KRABD4: variants seen among roughly 807,000 people sequenced by gnomAD.
The protein encoded by KRABD4 is KRAB domain-containing protein 4.
At chrX:46,450,759 G>A in the KRABD4 span, among the ~76,000 whole-genome samples, 7 of 99,418 alleles carry the variant, frequency 7.0e-5, no homozygotes, top group African/African-American at 2.7e-4. Flanking sequence ...CTGGAGTGCA[G>A]TGGTGCAATC....
the KRABD4 span, chrX:46,457,180 T>A: frequency 3.8e-6 from 1 of 264,240 alleles, no homozygotes. Context: ...GCTACCTCCT[T>A]GTCAAACTCC....
At chrX:46,448,303 A>C in the KRABD4 span, 1 of 112,358 alleles carries the variant, frequency 8.9e-6, no homozygotes, top group African/African-American at 3.2e-5. Context: ...CTGAGGCCTC[A>C]GAAGGAGGTG....
At chrX:46,472,757 G>A in the KRABD4 span, 1 of 1,207,897 alleles carries the variant, frequency 8.3e-7, no homozygotes, top group South Asian at 1.8e-5. Flanking sequence ...TAGAAGTCTG[G>A]CAAGTTGATG....
the KRABD4 span, among the ~76,000 whole-genome samples, chrX:46,464,275 A>G: frequency 1.8e-5 from 2 of 111,670 alleles, no homozygotes; most frequent in Non-Finnish European, 1.9e-5. Context: ...TTAGAATGCT[A>G]TTACTCTTCA....
the KRABD4 span, chrX:46,457,062 T>C: frequency 2.8e-6 from 1 of 354,708 alleles, no homozygotes; most frequent in African/African-American, 2.7e-5. Flanking sequence ...TAGGAGGCTT[T>C]TGTTGTCCCT....
chrX:46,453,332 AACTCTTCT>A, the KRABD4 span, among the ~76,000 whole-genome samples: 1 of 112,142 alleles, frequency 8.9e-6, no homozygotes, highest in African/African-American at 3.2e-5. Context: ...AAGAAAGTGA[AACTCTTCT>A]ACATCATATA....
At chrX:46,467,559 AAATAAT>A in the KRABD4 span, among the ~76,000 whole-genome samples, 7 of 110,420 alleles carry the variant, frequency 6.3e-5, no homozygotes, top group Non-Finnish European at 1.3e-4. Flanking sequence ...TGTCTCTCAA[AAATAAT>A]AATAATAATA....
the KRABD4 span, among the ~76,000 whole-genome samples, chrX:46,467,603 T>C: frequency 3.6e-5 from 4 of 111,531 alleles, no homozygotes; most frequent in African/African-American, 6.5e-5. Context: ...TGTTTTCTAG[T>C]GTGGCTGTAC....
chrX:46,468,345 G>A, the KRABD4 span, among the ~76,000 whole-genome samples: 2 of 110,337 alleles, frequency 1.8e-5, no homozygotes, highest in Non-Finnish European at 3.8e-5. Context: ...GACCAGCCAG[G>A]GCAACATAGT....
the KRABD4 span, chrX:46,462,321 C>A: frequency 1.3e-5 from 2 of 148,367 alleles, no homozygotes; most frequent in Admixed American, 1.5e-4. Context: ...ACCAGCCTGG[C>A]CAATATGGTG....
the KRABD4 span, chrX:46,462,681 C>T: frequency 9.4e-5 from 113 of 1,207,179 alleles, 1 homozygote; most frequent in Middle Eastern, 2.3e-4. Context: ...CCTCCGTGTG[C>T]GTGAGATGCC....
chrX:46,458,882 A>T, the KRABD4 span, among the ~76,000 whole-genome samples: 2 of 111,742 alleles, frequency 1.8e-5, no homozygotes, highest in South Asian at 7.5e-4. Flanking sequence ...CAAACTTCAC[A>T]TGGATGAGGA....
At chrX:46,455,286 C>T in the KRABD4 span, 1 of 758,551 alleles carries the variant, frequency 1.3e-6, no homozygotes, top group Non-Finnish European at 2.0e-6. Flanking sequence ...CTTTGTCTTC[C>T]TGAGACAAGT....
chrX:46,471,988 G>A, the KRABD4 span: 1 of 111,563 alleles, frequency 9.0e-6, no homozygotes, highest in African/African-American at 3.2e-5. Flanking sequence ...TCCTTTTGAA[G>A]TTTGTAATTT....
chrX:46,462,885 G>T, the KRABD4 span: 1 of 1,211,346 alleles, frequency 8.3e-7, no homozygotes, highest in Non-Finnish European at 1.1e-6. Flanking sequence ...GTGAGGGACC[G>T]TGCCACAGGG....
chrX:46,473,355 A>G, the KRABD4 span: 3 of 1,190,455 alleles, frequency 2.5e-6, no homozygotes, highest in East Asian at 6.0e-5. Flanking sequence ...GTGAATGTGG[A>G]AAAACCTTTA....
At chrX:46,455,009 T>A in the KRABD4 span, 1 of 326,643 alleles carries the variant, frequency 3.1e-6, no homozygotes, top group African/African-American at 2.7e-5. Context: ...TCAGTCTTAC[T>A]TACTTCATTG....
chrX:46,468,012 A>G, the KRABD4 span, among the ~76,000 whole-genome samples: 1 of 111,382 alleles, frequency 9.0e-6, no homozygotes, highest in Non-Finnish European at 1.9e-5. Context: ...CCCGGGTAAC[A>G]GAGATTTTTT....
the KRABD4 span, among the ~76,000 whole-genome samples, chrX:46,468,751 TATTC>T: frequency 8.9e-6 from 1 of 111,754 alleles, no homozygotes; most frequent in Non-Finnish European, 1.9e-5. Flanking sequence ...TACTATCAAA[TATTC>T]AGTCTATTCT....
Sources: gnomAD v4.1 joint callset for allele counts (sites outside exome capture counted in the v4.1 genomes callset) on GRCh38, gnomAD v4.1.1 for gene constraint, MANE v1.5 for transcripts, NCBI Gene and HGNC (gene_info 2026-07-23, HGNC 2026-07-21) for gene names.